LEKR1: variants seen among roughly 807,000 people sequenced by gnomAD.
LEKR1 encodes protein LEKR1.
A neutral mutation model predicts 72.4 loss-of-function variants in LEKR1; 59 were observed. The ratio of observed to expected loss-of-function variants is 0.82; its 90% CI spans 0.66 to 1.01. The LOEUF is 1.01. Ranked by LOEUF, LEKR1 falls within the 50% of genes least tolerant of loss-of-function variation. The probability of loss-of-function intolerance (pLI) is 0.00; values close to 1 mark genes in which losing one functional copy is unlikely to be tolerated. For missense variants in LEKR1, 728 were observed against 759.2 expected (o/e 0.96, Z 0.48); for synonymous variants, 257 against 263.2 (o/e 0.98, Z 0.23).
chr3:156,959,143 G>A (rs1727899950), intron 6 of LEKR1, among the ~76,000 whole-genome samples: 1 of 152,064 alleles, frequency 6.6e-6, no homozygotes, highest in Non-Finnish European at 1.5e-5. Flanking sequence ...ACATTACAGT[G>A]AATATCTTCT....
chr3:156,880,260 G>A (rs1165134200), intron 3 of LEKR1, among the ~76,000 whole-genome samples: 1 of 152,240 alleles, frequency 6.6e-6, no homozygotes, highest in Non-Finnish European at 1.5e-5. Flanking sequence ...TGATCTGGAT[G>A]TGAGACATGG....
At chr3:156,831,510 T>C (rs936188567) in intron 2 of LEKR1, among the ~76,000 whole-genome samples, 2 of 152,194 alleles carry the variant, frequency 1.3e-5, no homozygotes, top group African/African-American at 4.8e-5. Flanking sequence ...CTCATGCTGT[T>C]AATAAAGACA....
intron 2 of LEKR1, among the ~76,000 whole-genome samples, chr3:156,849,794 C>A (rs1043366561): frequency 6.6e-5 from 10 of 152,124 alleles, no homozygotes; most frequent in Admixed American, 6.5e-5. Flanking sequence ...AGACCTAAAA[C>A]CATAAAAACC....
intron 6 of LEKR1, among the ~76,000 whole-genome samples, chr3:156,978,703 G>C (rs1401218299): frequency 6.6e-6 from 1 of 152,078 alleles, no homozygotes; most frequent in African/African-American, 2.4e-5. Flanking sequence ...TCACTAAAAT[G>C]CCTTTTAGAT....
At chr3:156,915,102 C>G (rs1406487905) in intron 3 of LEKR1, among the ~76,000 whole-genome samples, 1 of 152,018 alleles carries the variant, frequency 6.6e-6, no homozygotes, top group Non-Finnish European at 1.5e-5. Context: ...CATCCATGTT[C>G]CTGCAAAGGA....
chr3:156,909,863 C>A (rs1255437779), intron 3 of LEKR1, among the ~76,000 whole-genome samples: 2 of 151,918 alleles, frequency 1.3e-5, no homozygotes, highest in South Asian at 4.2e-4. Flanking sequence ...ATGAAAATTT[C>A]TTTGTTCCAC....
chr3:157,033,224 A>G (rs1286248794), intron 12 of LEKR1, among the ~76,000 whole-genome samples: 1 of 152,222 alleles, frequency 6.6e-6, no homozygotes, highest in Non-Finnish European at 1.5e-5. Context: ...AGAATTACAC[A>G]TCTCTCACTT....
At chr3:156,956,095 G>A (rs939791353) in intron 6 of LEKR1, among the ~76,000 whole-genome samples, 1 of 151,854 alleles carries the variant, frequency 6.6e-6, no homozygotes, top group East Asian at 1.9e-4. Flanking sequence ...TAGATATTCA[G>A]AATATCTAAG....
chr3:157,028,510 A>G (rs1418277929), intron 12 of LEKR1, 108 bp downstream of exon 12: 2 of 920,568 alleles, frequency 2.2e-6, no homozygotes, highest in Non-Finnish European at 3.3e-6. Flanking sequence ...AGAGTCCTGG[A>G]ATGTTAGTCT....
chr3:157,037,986 G>A (rs1168507749), intron 12 of LEKR1, among the ~76,000 whole-genome samples: 3 of 152,216 alleles, frequency 2.0e-5, no homozygotes, highest in Non-Finnish European at 4.4e-5. Context: ...AGGTTGAAGG[G>A]CCAGTTCACA....
At chr3:156,895,907 G>A (rs1454158244) in intron 3 of LEKR1, among the ~76,000 whole-genome samples, 2 of 152,052 alleles carry the variant, frequency 1.3e-5, no homozygotes, top group African/African-American at 2.4e-5. Flanking sequence ...ACACATGCAC[G>A]CATATGTTCA....
chr3:156,914,413 G>T (rs1471125631), intron 3 of LEKR1, among the ~76,000 whole-genome samples: 1 of 152,080 alleles, frequency 6.6e-6, no homozygotes, highest in African/African-American at 2.4e-5. Context: ...AACATGAGGT[G>T]TTTGGTTTTC....
intron 3 of LEKR1, 99 bp downstream of exon 3, chr3:156,853,081 G>C: frequency 1.5e-6 from 1 of 675,628 alleles, no homozygotes; most frequent in Non-Finnish European, 2.4e-6. Context: ...TCTACATCAG[G>C]TATAGTTTAT....
intron 9 of LEKR1, among the ~76,000 whole-genome samples, chr3:157,009,726 A>G (rs1437486661): frequency 6.6e-6 from 1 of 152,080 alleles, no homozygotes; most frequent in Non-Finnish European, 1.5e-5. Context: ...TGATTTGTCT[A>G]TAACTGAGAA....
intron 9 of LEKR1, among the ~76,000 whole-genome samples, chr3:156,997,643 A>C (rs963493117): frequency 6.6e-6 from 1 of 152,204 alleles, no homozygotes; most frequent in Non-Finnish European, 1.5e-5. Flanking sequence ...AAATCCAAGC[A>C]GTGTCAGATA....
intron 12 of LEKR1, among the ~76,000 whole-genome samples, chr3:157,040,293 T>C (rs543210751): frequency 6.6e-6 from 1 of 152,356 alleles, no homozygotes; most frequent in Admixed American, 6.5e-5. Context: ...TTCCTCTCTG[T>C]CCTGAAAATC....
chr3:157,030,592 G>A (rs7643607), intron 12 of LEKR1, among the ~76,000 whole-genome samples: 5,438 of 152,252 alleles, frequency 0.036, 343 homozygotes, highest in African/African-American at 0.12. Flanking sequence ...CTATTGCTAC[G>A]TGACAAATTA....
At chr3:156,994,860 G>A (rs1479124117) in intron 9 of LEKR1, among the ~76,000 whole-genome samples, 2 of 152,144 alleles carry the variant, frequency 1.3e-5, no homozygotes, top group Non-Finnish European at 2.9e-5. Flanking sequence ...AGATTAATTA[G>A]GCTTAATTGT....
chr3:156,898,567 AT>A (rs1339481596), intron 3 of LEKR1, among the ~76,000 whole-genome samples: 1 of 152,032 alleles, frequency 6.6e-6, no homozygotes, highest in African/African-American at 2.4e-5. Context: ...ACTGTGAGAA[AT>A]TTCTGTTGTT....
Sources: gnomAD v4.1 joint callset for allele counts (sites outside exome capture counted in the v4.1 genomes callset) on GRCh38, gnomAD v4.1.1 for gene constraint, MANE v1.5 for transcripts, NCBI Gene and HGNC (gene_info 2026-07-23, HGNC 2026-07-21) for gene names.